Variants in SCHIP1 observed in about 807,000 individuals in gnomAD.
SCHIP1 encodes the protein schwannomin interacting protein 1.
Under a neutral mutation model 29.7 loss-of-function variants are expected in SCHIP1, and 8 were observed. The observed-to-expected ratio is 0.27, with a 90% CI of 0.16 to 0.49. The LOEUF (loss-of-function observed/expected upper bound fraction) is 0.49, where lower values mean the gene tolerates loss of function less well. SCHIP1 is among the 20% of genes least tolerant of loss of function. SCHIP1 has a pLI of 0.99. For synonymous variants in SCHIP1, 76 were observed against 94.9 expected, an observed-to-expected ratio of 0.80 and a Z score of 1.16; for missense variants, 193 against 294.6, an observed-to-expected ratio of 0.66 and a Z score of 2.52.
chr3:159,876,645 C>T lies in SCHIP1; in HGVS notation c.150-9562C>T, dbSNP rs79682456. On this transcript the variant is annotated intron_variant, in intron 2 of 6. Coordinates refer to ENST00000445224, the Ensembl canonical transcript of SCHIP1. The stretch of plus-strand genomic sequence containing the variant: ...AACTACTGCCATTTAAACGGTGACA[C>T]ATGCCTTCTTAACACTTAGAGTTTT... Among the ~76,000 whole-genome samples, 358 of 152,318 alleles carry T rather than the reference C, an allele frequency of 2.4e-3. 5 individuals carry two copies. The East Asian group carries it at 0.053, about 23-fold the overall frequency.
At chr3:159,372,210 C>G in the SCHIP1 span, among the ~76,000 whole-genome samples, 6 of 152,022 alleles carry the variant, frequency 3.9e-5, no homozygotes, top group East Asian at 7.7e-4. Context: ...AAGTAGGACA[C>G]TGAAAAAAAT....
At chr3:159,653,165 T>G in the SCHIP1 span, among the ~76,000 whole-genome samples, 1 of 152,214 alleles carries the variant, frequency 6.6e-6, no homozygotes, top group African/African-American at 2.4e-5. Context: ...TTAACCATTG[T>G]GGAAGACAGT....
chr3:159,606,221 G>A, the SCHIP1 span, among the ~76,000 whole-genome samples: 3 of 152,068 alleles, frequency 2.0e-5, no homozygotes, highest in African/African-American at 7.2e-5. Context: ...CTCACTGGTA[G>A]CTTTTTACTT....
chr3:159,283,072 A>G, the SCHIP1 span, among the ~76,000 whole-genome samples: 1 of 152,032 alleles, frequency 6.6e-6, no homozygotes, highest in Non-Finnish European at 1.5e-5. Context: ...GTAGATAAAT[A>G]AATATTGATA....
chr3:159,843,930 G>A (rs1249558891), intron 1 of SCHIP1, among the ~76,000 whole-genome samples: 11 of 150,816 alleles, frequency 7.3e-5, no homozygotes, highest in Admixed American at 6.6e-4. Flanking sequence ...CCATGAACCT[G>A]CACTGTTTTC....
the SCHIP1 span, among the ~76,000 whole-genome samples, chr3:159,749,192 T>C: frequency 6.6e-6 from 1 of 151,884 alleles, no homozygotes; most frequent in Non-Finnish European, 1.5e-5. Flanking sequence ...TATGCAACTG[T>C]AGTCCCAGCT....
At chr3:159,722,021 C>A in the SCHIP1 span, 1 of 358,868 alleles carries the variant, frequency 2.8e-6, no homozygotes, top group East Asian at 7.0e-5. Context: ...TCAGCTCTGT[C>A]TCAACGTACT....
chr3:159,428,586 A>T, the SCHIP1 span, among the ~76,000 whole-genome samples: 1 of 151,592 alleles, frequency 6.6e-6, no homozygotes, highest in Non-Finnish European at 1.5e-5. Context: ...GAACACTTTT[A>T]CACTGTTGGT....
chr3:159,678,193 T>G, the SCHIP1 span, among the ~76,000 whole-genome samples: 2 of 152,238 alleles, frequency 1.3e-5, no homozygotes, highest in African/African-American at 4.8e-5. Context: ...ATATTTCCAC[T>G]CACCCAGGTC....
chr3:159,760,846 T>C, the SCHIP1 span, among the ~76,000 whole-genome samples: 1 of 151,742 alleles, frequency 6.6e-6, no homozygotes, highest in East Asian at 1.9e-4. Context: ...TTTATATGAA[T>C]GTTTGGCCTA....
chr3:159,471,250 G>T, the SCHIP1 span, among the ~76,000 whole-genome samples: 1 of 152,080 alleles, frequency 6.6e-6, no homozygotes, highest in Non-Finnish European at 1.5e-5. Context: ...TAAAGCAGTG[G>T]CTTATTTACA....
chr3:159,470,351 A>G, the SCHIP1 span, among the ~76,000 whole-genome samples: 3 of 152,172 alleles, frequency 2.0e-5, no homozygotes, highest in Non-Finnish European at 4.4e-5. Flanking sequence ...GTATACACAG[A>G]CAGTCAAAGG....
chr3:159,295,457 CAATA>C, the SCHIP1 span, among the ~76,000 whole-genome samples: 1 of 151,640 alleles, frequency 6.6e-6, no homozygotes, highest in African/African-American at 2.4e-5. Flanking sequence ...ATCAATCAAT[CAATA>C]ATAAGATTTG....
the SCHIP1 span, among the ~76,000 whole-genome samples, chr3:159,308,656 CA>C: frequency 6.6e-6 from 1 of 152,146 alleles, no homozygotes; most frequent in African/African-American, 2.4e-5. Flanking sequence ...GCAATCCCAT[CA>C]CTGGGTATAT....
the SCHIP1 span, among the ~76,000 whole-genome samples, chr3:159,445,969 A>G: frequency 1.3e-5 from 2 of 151,998 alleles, no homozygotes; most frequent in South Asian, 2.1e-4. Context: ...TGGCACATGT[A>G]TACGTATGTA....
chr3:159,860,753 A>C (rs16847223), intron 1 of SCHIP1, among the ~76,000 whole-genome samples: 2 of 151,954 alleles, frequency 1.3e-5, no homozygotes, highest in African/African-American at 4.8e-5. Flanking sequence ...AATCTTGTCC[A>C]GGCCTACAAC....
chr3:159,352,070 C>A, the SCHIP1 span, among the ~76,000 whole-genome samples: 279 of 152,204 alleles, frequency 1.8e-3, no homozygotes, highest in Non-Finnish European at 3.3e-3. Flanking sequence ...TTGGCCAAAC[C>A]CTGCTTCATC....
At chr3:159,759,144 T>C in the SCHIP1 span, among the ~76,000 whole-genome samples, 3 of 152,234 alleles carry the variant, frequency 2.0e-5, no homozygotes, top group African/African-American at 2.4e-5. Flanking sequence ...ACATTTAATA[T>C]GTTAATTTTT....
chr3:159,515,977 G>A, the SCHIP1 span, among the ~76,000 whole-genome samples: 1 of 151,010 alleles, frequency 6.6e-6, no homozygotes, highest in Non-Finnish European at 1.5e-5. Context: ...GCAAGCAAGG[G>A]GGAGATAAAG....
Sources: allele counts gnomAD v4.1 joint callset (sites outside exome capture counted in the v4.1 genomes callset), GRCh38; gene constraint gnomAD v4.1.1; transcripts MANE v1.5; gene names NCBI Gene and HGNC (gene_info 2026-07-23, HGNC 2026-07-21).